GUCY1A2: variants seen among roughly 807,000 people sequenced by gnomAD.
GUCY1A2 encodes guanylate cyclase soluble subunit alpha-2.
In GUCY1A2, 27 loss-of-function variants were observed where a neutral mutation model predicts 63.5. The ratio of observed to expected loss-of-function variants is 0.43; its 90% CI spans 0.31 to 0.59. GUCY1A2 has a LOEUF of 0.59. Among genes scored for constraint, GUCY1A2 ranks in the 20% least tolerant of loss-of-function variants. The pLI is 0.11. For missense variants in GUCY1A2, 768 were observed against 913.3 expected (o/e 0.84, Z 2.05); for synonymous variants, 364 against 343.5 (o/e 1.06, Z -0.66).
Position 106,679,538 on chromosome 11 carries a change from G to C in GUCY1A2, c.*8011C>G, listed in dbSNP as rs1266361188. 9.9e-6 allele frequency: 2 copies of C among 201,156 alleles called. No individual in the cohort carries two copies. Among genetic ancestry groups the C allele is most frequent in the African/African-American group, 4.6e-5 (2 of 43,514 alleles). The allele number at this position is 201,156 out of a possible 1,614,324, so 12.5% of individuals were successfully genotyped here. A position where few individuals can be genotyped will look rare whatever the true frequency, so the allele number is the denominator to read the frequency against. ...ATTTGTGATTAAATTTTTCAACTAA[G>C]GGAATATGTAATTTATTTAATGTCA... On this transcript the variant is annotated 3_prime_UTR_variant, in exon 8 of 8. Coordinates refer to ENST00000526355, the MANE Select transcript of GUCY1A2 (RefSeq NM_000855.3).
chr11:106,869,698 C>T (rs1040837388), intron 4 of GUCY1A2, among the ~76,000 whole-genome samples: 8 of 152,052 alleles, frequency 5.3e-5, no homozygotes, highest in Non-Finnish European at 1.0e-4. Flanking sequence ...GACAGTGTGG[C>T]GATTCCTCAG....
At position 106,683,807 on chromosome 11, in the gene GUCY1A2, C is replaced by A. The variant is rs1862474217; in HGVS notation, c.*3742G>T. The stretch of plus-strand genomic sequence containing the variant: ...AGTCAGGGACCCAAGGAGCCTTCAA[C>A]AAATATATTTAATTATGGTCATAAT... On this transcript the variant is annotated 3_prime_UTR_variant, in exon 8 of 8. Transcript: ENST00000526355. The A allele has an allele frequency of 4.7e-6, 1 of 213,752 alleles. No homozygotes were observed. Among genetic ancestry groups the A allele is most frequent in the African/African-American group, 2.3e-5 (1 of 44,186 alleles). The allele number at this position is 213,752 out of a possible 1,614,324, so 13.2% of individuals were successfully genotyped here.
chr11:106,786,545 G>C (rs568994880), intron 5 of GUCY1A2, among the ~76,000 whole-genome samples: 1 of 152,168 alleles, frequency 6.6e-6, no homozygotes, highest in Non-Finnish European at 1.5e-5. Context: ...AATGTCCATC[G>C]TGTGGAAAAT....
At chr11:106,705,139 A>C (rs1179196535) in intron 7 of GUCY1A2, among the ~76,000 whole-genome samples, 2 of 152,128 alleles carry the variant, frequency 1.3e-5, no homozygotes, top group African/African-American at 2.4e-5. Flanking sequence ...ATAATTAAAA[A>C]ATAGAAAATA....
intron 6 of GUCY1A2, among the ~76,000 whole-genome samples, chr11:106,772,124 T>TTAGTGAGTCAAGGGC (rs1249681879): frequency 6.6e-6 from 1 of 152,144 alleles, no homozygotes; most frequent in Non-Finnish European, 1.5e-5. Flanking sequence ...AGTTTTACAA[T>TTAGTGAGTCAAGGGC]TAGTGAGTCA....
At chr11:106,834,483 C>G (rs1013289497) in intron 4 of GUCY1A2, among the ~76,000 whole-genome samples, 4 of 151,862 alleles carry the variant, frequency 2.6e-5, no homozygotes, top group African/African-American at 9.7e-5. Context: ...TTTGTTTATT[C>G]TAAAGTATTC....
intron 4 of GUCY1A2, among the ~76,000 whole-genome samples, chr11:106,884,608 A>G (rs1250541616): frequency 6.6e-6 from 1 of 152,102 alleles, no homozygotes; most frequent in African/African-American, 2.4e-5. Context: ...AGAGAAAAGG[A>G]AAGAGTAAAG....
intron 1 of GUCY1A2, among the ~76,000 whole-genome samples, chr11:106,996,759 T>C (rs1477820655): frequency 1.3e-5 from 2 of 152,226 alleles, no homozygotes; most frequent in Non-Finnish European, 2.9e-5. Context: ...CTGAGACATG[T>C]AGAAATCATC....
chr11:106,743,756 A>G (rs965066075), intron 6 of GUCY1A2, among the ~76,000 whole-genome samples: 4 of 152,224 alleles, frequency 2.6e-5, no homozygotes, highest in African/African-American at 4.8e-5. Context: ...TAAAAAGTCT[A>G]GTTATTTGCA....
chr11:106,724,463 T>TC (rs2135365910), intron 6 of GUCY1A2, among the ~76,000 whole-genome samples: 1 of 152,308 alleles, frequency 6.6e-6, no homozygotes, highest in African/African-American at 2.4e-5. Flanking sequence ...CATCTCACTC[T>TC]CTCTGGTCAC....
At chr11:106,978,597 TA>T in intron 3 of GUCY1A2, 21 bp downstream of exon 3, 2 of 1,392,202 alleles carry the variant, frequency 1.4e-6, no homozygotes, top group Non-Finnish European at 1.0e-6. Context: ...CTCATCCATA[TA>T]AATATATATA....
chr11:106,704,349 A>AT (rs1164994025), intron 7 of GUCY1A2, among the ~76,000 whole-genome samples: 2 of 152,298 alleles, frequency 1.3e-5, no homozygotes, highest in Non-Finnish European at 2.9e-5. Context: ...ACATGTACCC[A>AT]TTTTAGAGAT....
At chr11:106,730,657 A>G (rs1863487681) in intron 6 of GUCY1A2, among the ~76,000 whole-genome samples, 1 of 152,006 alleles carries the variant, frequency 6.6e-6, no homozygotes. Context: ...GGGTTGAATG[A>G]TATTTCTGTC....
intron 3 of GUCY1A2, among the ~76,000 whole-genome samples, chr11:106,946,990 G>A (rs533825812): frequency 2.0e-5 from 3 of 152,138 alleles, no homozygotes; most frequent in African/African-American, 4.8e-5. Context: ...AGGCCGAGGC[G>A]GGTGGATAAT....
At chr11:106,922,705 ATATATATATATG>A (rs1205259771) in intron 4 of GUCY1A2, among the ~76,000 whole-genome samples, 2 of 131,236 alleles carry the variant, frequency 1.5e-5, no homozygotes, top group Admixed American at 7.6e-5. Flanking sequence ...ATATATATAT[ATATATATATATG>A]TACTCACAAT....
At chr11:106,714,887 C>G (rs957334252) in intron 6 of GUCY1A2, among the ~76,000 whole-genome samples, 1 of 152,084 alleles carries the variant, frequency 6.6e-6, no homozygotes, top group Non-Finnish European at 1.5e-5. Context: ...CCTCTAGCAA[C>G]CTATTAATCT....
intron 2 of GUCY1A2, among the ~76,000 whole-genome samples, chr11:106,983,352 A>T (rs1222497965): frequency 6.6e-6 from 1 of 152,210 alleles, no homozygotes; most frequent in Non-Finnish European, 1.5e-5. Flanking sequence ...ATGTTTAAAG[A>T]TAAAGTGGAT....
rs1216887342 is a variant in GUCY1A2, at chr11:106,831,175, A to C, written c.1207-20697T>G. ...CTGCTTAGTTTTATCAATTAAAAACAGTTTTATAAAGCATAAAAAGTGCCA... is the reference window on the plus strand; with the variant it reads ...CTGCTTAGTTTTATCAATTAAAAACCGTTTTATAAAGCATAAAAAGTGCCA... On this transcript the variant is annotated intron_variant, in intron 4 of 7. Transcript: ENST00000526355. Among the ~76,000 whole-genome samples the C allele has an allele frequency of 2.0e-5, 3 of 152,354 alleles. No homozygotes were observed. The East Asian group carries it at 5.8e-4, about 29-fold the overall frequency.
intron 4 of GUCY1A2, among the ~76,000 whole-genome samples, chr11:106,884,445 C>G (rs763241151): frequency 6.6e-6 from 1 of 152,010 alleles, no homozygotes; most frequent in Non-Finnish European, 1.5e-5. Flanking sequence ...CGTACAATGT[C>G]TCTGAGAGTG....
Sources: gnomAD v4.1 joint callset for allele counts (sites outside exome capture counted in the v4.1 genomes callset) on GRCh38, gnomAD v4.1.1 for gene constraint, MANE v1.5 for transcripts, NCBI Gene and HGNC (gene_info 2026-07-23, HGNC 2026-07-21) for gene names.